Variants in LRMDA observed in about 807,000 individuals in gnomAD.
The protein encoded by LRMDA is leucine rich melanocyte differentiation associated.
A neutral mutation model predicts 29.8 loss-of-function variants in LRMDA; 18 were observed. The observed-to-expected ratio is 0.60, with a 90% CI of 0.42 to 0.90. LRMDA has a LOEUF of 0.90. Ranked by LOEUF, LRMDA falls within the 40% of genes least tolerant of loss-of-function variation. The pLI is 0.00. For synonymous variants in LRMDA, 125 were observed against 109.4 expected, an observed-to-expected ratio of 1.14 and a Z score of -0.89; for missense variants, 273 against 273.9, an observed-to-expected ratio of 1.00 and a Z score of 0.02.
intron 2 of LRMDA, among the ~76,000 whole-genome samples, chr10:75,809,215 T>C (rs1843913757): frequency 6.6e-6 from 1 of 152,204 alleles, no homozygotes. Flanking sequence ...CCTCTGCATC[T>C]CACCTGTTGC....
At chr10:75,751,260 C>T (rs1311949107) in intron 2 of LRMDA, among the ~76,000 whole-genome samples, 1 of 151,690 alleles carries the variant, frequency 6.6e-6, no homozygotes, top group African/African-American at 2.4e-5. Flanking sequence ...GCCGAGATGG[C>T]GGCAGCACAG....
intron 2 of LRMDA, among the ~76,000 whole-genome samples, chr10:75,710,312 G>T (rs1205858274): frequency 6.6e-6 from 1 of 152,152 alleles, no homozygotes; most frequent in East Asian, 1.9e-4. Context: ...AAGTTTATGG[G>T]TTAATTTTTC....
intron 2 of LRMDA, among the ~76,000 whole-genome samples, chr10:75,832,391 C>T (rs527650496): frequency 6.6e-6 from 1 of 152,190 alleles, no homozygotes; most frequent in African/African-American, 2.4e-5. Flanking sequence ...AGTTCCTCAT[C>T]TTCATCTGAG....
At chr10:75,888,326 C>T (rs186170296) in intron 2 of LRMDA, among the ~76,000 whole-genome samples, 69 of 152,250 alleles carry the variant, frequency 4.5e-4, no homozygotes, top group African/African-American at 1.6e-3. Context: ...CTGAAAACTT[C>T]GATTTTTTTT....
At chr10:76,093,957 C>T (rs894966623) in intron 5 of LRMDA, among the ~76,000 whole-genome samples, 1 of 152,138 alleles carries the variant, frequency 6.6e-6, no homozygotes, top group African/African-American at 2.4e-5. Flanking sequence ...ACCCCCTTAC[C>T]ACGCTATCCG....
At chr10:75,949,923 A>G (rs1430195281) in intron 2 of LRMDA, among the ~76,000 whole-genome samples, 3 of 152,200 alleles carry the variant, frequency 2.0e-5, no homozygotes, top group African/African-American at 7.2e-5. Flanking sequence ...GCCATGTGCT[A>G]GTGTCATGAC....
At chr10:76,380,955 A>T (rs1428886098) in intron 6 of LRMDA, among the ~76,000 whole-genome samples, 1 of 150,256 alleles carries the variant, frequency 6.7e-6, no homozygotes, top group Non-Finnish European at 1.5e-5. Flanking sequence ...TATTTTTAAC[A>T]TTTTTGTGTT....
intron 6 of LRMDA, among the ~76,000 whole-genome samples, chr10:76,363,203 A>AG (rs1306686857): frequency 1.1e-4 from 2 of 18,840 alleles, no homozygotes; most frequent in Non-Finnish European, 2.8e-4. Flanking sequence ...GGAGGGAGGG[A>AG]GGGAGGGAAG....
At chr10:76,553,303 C>G (rs900906109) in intron 6 of LRMDA, among the ~76,000 whole-genome samples, 1 of 152,248 alleles carries the variant, frequency 6.6e-6, no homozygotes, top group Non-Finnish European at 1.5e-5. Context: ...TGTTGTTCCC[C>G]CTCCAGTCCC....
chr10:75,886,734 A>G (rs1286455112), intron 2 of LRMDA, among the ~76,000 whole-genome samples: 3 of 152,152 alleles, frequency 2.0e-5, no homozygotes, highest in Admixed American at 1.3e-4. Flanking sequence ...GCTGTTTCCT[A>G]TCCACTGATC....
chr10:76,354,271 T>C (rs894080406), intron 6 of LRMDA, among the ~76,000 whole-genome samples: 4 of 152,148 alleles, frequency 2.6e-5, no homozygotes, highest in Admixed American at 6.5e-5. Flanking sequence ...AGGAGGACAT[T>C]GTGATATGGA....
At chr10:76,424,311 C>A (rs371507467) in intron 6 of LRMDA, among the ~76,000 whole-genome samples, 1 of 152,100 alleles carries the variant, frequency 6.6e-6, no homozygotes, top group African/African-American at 2.4e-5. Context: ...GGTAGGACCA[C>A]GAGGTCAGGA....
chr10:75,734,183 G>A (rs1842732383), intron 2 of LRMDA, among the ~76,000 whole-genome samples: 1 of 152,082 alleles, frequency 6.6e-6, no homozygotes, highest in Non-Finnish European at 1.5e-5. Flanking sequence ...GTTATATGTG[G>A]TTTGCCAGGA....
At chr10:75,472,017 A>G (rs1419759505) in intron 2 of LRMDA, among the ~76,000 whole-genome samples, 2 of 151,980 alleles carry the variant, frequency 1.3e-5, no homozygotes, top group African/African-American at 4.8e-5. Flanking sequence ...GAGAGCCAAA[A>G]TCATCTGCCA....
At chr10:75,939,188 T>G (rs1480225554) in intron 2 of LRMDA, among the ~76,000 whole-genome samples, 1 of 152,188 alleles carries the variant, frequency 6.6e-6, no homozygotes, top group African/African-American at 2.4e-5. Context: ...GCCCTGGACC[T>G]GTGTGGGAAC....
intron 2 of LRMDA, among the ~76,000 whole-genome samples, chr10:75,493,881 C>T (rs1387264620): frequency 7.0e-6 from 1 of 142,522 alleles, no homozygotes; most frequent in African/African-American, 2.7e-5. Flanking sequence ...CCGTGACTGA[C>T]TTGTCTGAAA....
At chr10:76,114,010 TC>T (rs1849623832) in intron 5 of LRMDA, among the ~76,000 whole-genome samples, 1 of 152,220 alleles carries the variant, frequency 6.6e-6, no homozygotes, top group Non-Finnish European at 1.5e-5. Flanking sequence ...GTGGTTTTTT[TC>T]GGCCTGTCAG....
chr10:75,706,458 G>T (rs1281831044), intron 2 of LRMDA, among the ~76,000 whole-genome samples: 2 of 152,148 alleles, frequency 1.3e-5, no homozygotes, highest in Non-Finnish European at 2.9e-5. Context: ...TTACTCCAGG[G>T]TCAAATGATT....
intron 2 of LRMDA, among the ~76,000 whole-genome samples, chr10:75,780,007 C>T (rs1843361604): frequency 1.3e-5 from 2 of 152,044 alleles, no homozygotes; most frequent in African/African-American, 4.8e-5. Context: ...GACACAGAGA[C>T]ACACAGAGGG....
Sources: allele counts gnomAD v4.1 joint callset (sites outside exome capture counted in the v4.1 genomes callset), GRCh38; gene constraint gnomAD v4.1.1; transcripts MANE v1.5; gene names NCBI Gene and HGNC (gene_info 2026-07-23, HGNC 2026-07-21).